The following EFNB2 variants were observed in gnomAD, a reference collection of about 807,000 sequenced individuals.
The protein encoded by EFNB2 is ephrin B2.
Under a neutral mutation model 32.1 loss-of-function variants are expected in EFNB2, and 5 were observed. The observed-to-expected ratio is 0.16, with a 90% confidence interval of 0.08 to 0.33. The LOEUF is 0.33. Among genes scored for constraint, EFNB2 ranks in the 10% least tolerant of loss-of-function variants. The pLI, the probability that EFNB2 is intolerant of heterozygous loss-of-function variation, is 1.00. For synonymous variants in EFNB2, 168 were observed against 166.5 expected (o/e 1.01, Z -0.07); for missense variants, 263 against 422.6 (o/e 0.62, Z 3.31).
rs554380430 is a variant in EFNB2, at chr13:106,518,651, C to A, written c.123-5839G>T. 6.6e-6 allele frequency: 1 copy of A among 152,330 alleles called. No individual in the cohort carries two copies. The highest frequency in any genetic ancestry group is 1.9e-4 in the East Asian group (1 of 5,170). 9.4% of individuals were successfully genotyped at this position (152,330 alleles called of 1,614,324 possible). A position where few individuals can be genotyped will look rare whatever the true frequency, so the allele number is the denominator to read the frequency against. ...TGGACGGAGGCAGTGGTCGCCTGAT[C>A]TATTTCTGCACTTTGCCCAGTGTAA... On this transcript the variant is annotated intron_variant, in intron 1 of 4. Coordinates refer to ENST00000646441, the MANE Select transcript of EFNB2 (RefSeq NM_004093.4). This position sits in a 1 kb window ranked among gnomAD's most constrained non-coding sequence, Gnocchi z 4.1.
In EFNB2 at chr13:106,525,182, G is replaced by C. The variant is rs141569932; in HGVS notation, c.122+9661C>G. 1.4e-3 allele frequency among the ~76,000 whole-genome samples: 215 copies of C among 152,218 alleles called. 1 individual carries two copies. Among genetic ancestry groups the C allele is most frequent in the Non-Finnish European group, 2.5e-3 (169 of 68,008 alleles). On this transcript the variant is annotated intron_variant, in intron 1 of 4. Transcript: ENST00000646441. Reference sequence around the variant, plus strand: ...TTACTCTTTTATTCAGCACTATTATGTTATTGTCCCTATTATAGAGATGGG... The same window carrying C: ...TTACTCTTTTATTCAGCACTATTATCTTATTGTCCCTATTATAGAGATGGG...
Position 106,493,497 on chromosome 13 carries a change from T to C in EFNB2, c.614-69A>G, listed in dbSNP as rs546276873. Reference sequence around the variant, plus strand: ...TCCCAGTGCAGACGGACTGCTTTTATGACCCTTAAAAATGTGAAAAATAAG... The same window carrying C: ...TCCCAGTGCAGACGGACTGCTTTTACGACCCTTAAAAATGTGAAAAATAAG... On this transcript the variant is annotated intron_variant, in intron 4 of 4. Coordinates refer to ENST00000646441, the MANE Select transcript of EFNB2 (RefSeq NM_004093.4). The surrounding 1 kb of genome is among the most constrained non-coding windows in gnomAD (Gnocchi z 6.1). 1.3e-6 allele frequency: 2 copies of C among 1,526,722 alleles called. No individual in the cohort carries two copies. Among genetic ancestry groups the C allele is most frequent in the East Asian group, 4.5e-5 (2 of 44,126 alleles). 94.6% of individuals were successfully genotyped at this position (1,526,722 alleles called of 1,614,324 possible). A position where few individuals can be genotyped will look rare whatever the true frequency, so the allele number is the denominator to read the frequency against.
At chr13:106,497,547 T>A (rs1485452011) in intron 2 of EFNB2, among the ~76,000 whole-genome samples, 1 of 152,202 alleles carries the variant, frequency 6.6e-6, no homozygotes, top group Non-Finnish European at 1.5e-5. Flanking sequence ...TATTAAAATT[T>A]TTTTTTATTA....
At chr13:106,507,562 G>A (rs1878996056) in intron 2 of EFNB2, among the ~76,000 whole-genome samples, 1 of 152,060 alleles carries the variant, frequency 6.6e-6, no homozygotes, top group Non-Finnish European at 1.5e-5. Flanking sequence ...TAGAAGTGGA[G>A]TACATGTCTA....
intron 1 of EFNB2, among the ~76,000 whole-genome samples, chr13:106,529,666 A>G (rs2138945624): frequency 6.6e-6 from 1 of 152,262 alleles, no homozygotes; most frequent in Middle Eastern, 3.4e-3. Flanking sequence ...AAGCTAATCT[A>G]TATGTTGCCA....
At chr13:106,513,263 T>C (rs1879204021) in intron 1 of EFNB2, among the ~76,000 whole-genome samples, 1 of 152,232 alleles carries the variant, frequency 6.6e-6, no homozygotes, top group Non-Finnish European at 1.5e-5. Context: ...TTTGTTGTCC[T>C]GTTAGTTTCC....
At chr13:106,507,963 C>T (rs1051274113) in intron 2 of EFNB2, among the ~76,000 whole-genome samples, 1 of 152,260 alleles carries the variant, frequency 6.6e-6, no homozygotes, top group Non-Finnish European at 1.5e-5. Context: ...GCTGTAGCTA[C>T]TGTTCACTGG....
chr13:106,514,156 A>T (rs2138923405), intron 1 of EFNB2, among the ~76,000 whole-genome samples: 1 of 152,286 alleles, frequency 6.6e-6, no homozygotes, highest in East Asian at 1.9e-4. Context: ...CCAAAAGAGA[A>T]GGATGGTCCC....
chr13:106,501,993 C>T (rs1467630003), intron 2 of EFNB2, among the ~76,000 whole-genome samples: 1 of 152,158 alleles, frequency 6.6e-6, no homozygotes, highest in Non-Finnish European at 1.5e-5. Context: ...TTGATTAACT[C>T]TTATTTTGCA....
At chr13:106,531,970 G>C (rs1016044584) in intron 1 of EFNB2, among the ~76,000 whole-genome samples, 2 of 150,432 alleles carry the variant, frequency 1.3e-5, no homozygotes, top group African/African-American at 4.9e-5. Flanking sequence ...ACTTTACTTA[G>C]GCCAAAATCT....
Position 106,535,628 on chromosome 13 carries a change from G to C in EFNB2, c.-664C>G, listed in dbSNP as rs1028780885. 1.3e-5 allele frequency: 2 copies of C among 150,538 alleles called. No individual in the cohort carries two copies. Among genetic ancestry groups the C allele is most frequent in the South Asian group, 2.1e-4 (1 of 4,818 alleles). The allele number at this position is 150,538 out of a possible 1,614,324, so 9.3% of individuals were successfully genotyped here. On this transcript the variant is annotated 5_prime_UTR_variant, in exon 1 of 5. Coordinates refer to ENST00000646441, the MANE Select transcript of EFNB2 (RefSeq NM_004093.4). ...CGCTGCGTGCGCAGCTCCTCGCTCC[G>C]GCCGGCGCCGCGGTCCCCGCCGAGG...
rs756482998 is a variant in EFNB2 at position 106,512,797 on chromosome 13, T to C, written c.138A>G (p.Gln46=). Residue 46 remains glutamine, a synonymous_variant, in exon 2 of 5, where the codon CAA becomes CAG. Coordinates refer to ENST00000646441, the MANE Select transcript of EFNB2 (RefSeq NM_004093.4). ...CTATCTGTGGGTATAGTACCAGTCC[T>C]TGTCCAGGTAGAAATCTAAAAGCAT... The part of the protein sequence containing the change: ...NSSNSKFLPG[Q]GLVLYPQIGD... 1.3e-6 allele frequency: 2 copies of C among 1,575,780 alleles called. No homozygotes were observed. The highest frequency in any genetic ancestry group is 1.7e-6 in the Non-Finnish European group (2 of 1,158,970).
At position 106,535,132 on chromosome 13, in the gene EFNB2, C is replaced by T. The variant is rs1321909081; in HGVS notation, c.-168G>A. The stretch of plus-strand genomic sequence containing the variant: ...CAGCGGTCGCCGGGCCAGGTGCGCT[C>T]GCTCTCCGGGGCCCTCAGGGCGCGG... On this transcript the variant is annotated 5_prime_UTR_variant, in exon 1 of 5. Transcript: ENST00000646441. The T allele has an allele frequency of 6.2e-5, 42 of 682,354 alleles. No homozygotes were observed. Among genetic ancestry groups the T allele is most frequent in the Middle Eastern group, 5.5e-4 (1 of 1,816 alleles). The allele number at this position is 682,354 out of a possible 1,614,324, so 42.3% of individuals were successfully genotyped here.
chr13:106,497,580 G>A (rs2138902183), intron 2 of EFNB2, among the ~76,000 whole-genome samples: 1 of 152,008 alleles, frequency 6.6e-6, no homozygotes, highest in African/African-American at 2.4e-5. Context: ...TAGGGTACAT[G>A]TGCACAACGT....
At chr13:106,517,122 C>T (rs1437565555) in intron 1 of EFNB2, 9 of 152,220 alleles carry the variant, frequency 5.9e-5, no homozygotes, top group African/African-American at 2.2e-4. Context: ...TTGTAATATT[C>T]AACAATACAC....
At position 106,493,057 on chromosome 13, in the gene EFNB2, T is replaced by C. The variant is rs142390625; in HGVS notation, c.985A>G (p.Ile329Val). The change falls in exon 5 of 5, where the codon ATT becomes GTT. Residue 329 changes from isoleucine (I) to valine (V), a missense_variant. Transcript: ENST00000646441. The surrounding 1 kb of genome is among the most constrained non-coding windows in gnomAD (Gnocchi z 6.1). ...GGTCCCTCTCAGACCTTGTAGTAAA[T>C]GTTCGCCGGGCTCTGCGGGGGCATC... Reference protein sequence around the residue: ...QEMPPQSPANIYYKV With the variant: ...QEMPPQSPANVYYKV 7 of 1,610,640 alleles carry C rather than the reference T, an allele frequency of 4.3e-6. No homozygotes were observed. The highest frequency in any genetic ancestry group is 2.7e-5 in the African/African-American group (2 of 74,864).
At chr13:106,517,516 C>G (rs1304660231) in intron 1 of EFNB2, 2 of 152,228 alleles carry the variant, frequency 1.3e-5, no homozygotes, top group Admixed American at 1.3e-4. Flanking sequence ...TCTCTACTAT[C>G]TTCCTGGGAG....
chr13:106,535,038 C>A lies in EFNB2; in HGVS notation c.-74G>T, dbSNP rs1880024406. ...CGGGACGCAGGCTGGGACCCCCAATCCTCCGGGGCAGACTGGCGGGGAAGA... is the reference window on the plus strand; with the variant it reads ...CGGGACGCAGGCTGGGACCCCCAATACTCCGGGGCAGACTGGCGGGGAAGA... On this transcript the variant is annotated 5_prime_UTR_variant, in exon 1 of 5. Transcript: ENST00000646441. 3.8e-6 allele frequency: 6 copies of A among 1,575,422 alleles called. No individual in the cohort carries two copies. In the African/African-American group the frequency reaches 4.1e-5, roughly 11 times the overall value.
At chr13:106,532,822 TG>T (rs142677050) in intron 1 of EFNB2, among the ~76,000 whole-genome samples, 169 of 139,000 alleles carry the variant, frequency 1.2e-3, no homozygotes, top group Middle Eastern at 3.8e-3. Context: ...ATCATCAGAA[TG>T]GGGGGGGGGA....
Sources: allele counts gnomAD v4.1 joint callset (sites outside exome capture counted in the v4.1 genomes callset), GRCh38; gene constraint gnomAD v4.1.1; non-coding constraint Gnocchi (gnomAD v3.1); transcripts MANE v1.5; gene names NCBI Gene and HGNC (gene_info 2026-07-23, HGNC 2026-07-21).